Variants in EFEMP1 observed in about 807,000 individuals in gnomAD.
EFEMP1 encodes the protein EGF-containing fibulin-like extracellular matrix protein 1.
A neutral mutation model predicts 65.7 loss-of-function variants in EFEMP1; 18 were observed. That is an observed-to-expected ratio of 0.27 (90% confidence interval 0.19 to 0.41). The LOEUF is 0.41. Among genes scored for constraint, EFEMP1 ranks in the 10% least tolerant of loss-of-function variants. The probability of loss-of-function intolerance (pLI) is 1.00; values close to 1 mark genes in which losing one functional copy is unlikely to be tolerated. For missense variants in EFEMP1, 469 were observed against 624.8 expected (o/e 0.75, Z 2.66); for synonymous variants, 237 against 219.7 (o/e 1.08, Z -0.70).
At chr2:55,892,990 C>T (rs1416384870) in intron 5 of EFEMP1, among the ~76,000 whole-genome samples, 1 of 152,016 alleles carries the variant, frequency 6.6e-6, no homozygotes, top group East Asian at 1.9e-4. Flanking sequence ...TAAAATTAGC[C>T]TAGGATTATT....
chr2:55,904,693 C>G (rs1670176053), intron 5 of EFEMP1, among the ~76,000 whole-genome samples: 1 of 152,196 alleles, frequency 6.6e-6, no homozygotes, highest in Admixed American at 6.5e-5. Context: ...CTGGGACTTA[C>G]ACTAGCAGTT....
rs1310268740 is a variant in EFEMP1 at position 55,870,693 on chromosome 2, A to T, written c.1320+27T>A. 6.2e-7 allele frequency: 1 copy of T among 1,612,116 alleles called. No homozygotes were observed. Among genetic ancestry groups the T allele is most frequent in the Non-Finnish European group, 8.5e-7 (1 of 1,178,634 alleles). On this transcript the variant is annotated intron_variant, in intron 11 of 11. Transcript: ENST00000355426. This position sits in a 1 kb window ranked among gnomAD's most constrained non-coding sequence, Gnocchi z 5.8. The stretch of plus-strand genomic sequence containing the variant: ...ACAACAAACTCCCATCTTTCTCAAT[A>T]GTTAAGGCTGCCTTCAGGATACTTA...
intron 5 of EFEMP1, among the ~76,000 whole-genome samples, chr2:55,901,804 A>G (rs1670046549): frequency 6.6e-6 from 1 of 152,134 alleles, no homozygotes; most frequent in Non-Finnish European, 1.5e-5. Context: ...TGCCACTTCT[A>G]TGATTAGGTT....
At chr2:55,906,475 C>A (rs918606474) in intron 5 of EFEMP1, among the ~76,000 whole-genome samples, 1 of 152,148 alleles carries the variant, frequency 6.6e-6, no homozygotes, top group Non-Finnish European at 1.5e-5. Context: ...CTGCCTGCCT[C>A]GGCCTCCCAA....
chr2:55,903,708 A>T (rs1389550730), intron 5 of EFEMP1, among the ~76,000 whole-genome samples: 2 of 152,086 alleles, frequency 1.3e-5, no homozygotes, highest in African/African-American at 4.8e-5. Flanking sequence ...AGCAAAACCA[A>T]TTTATTAGGT....
At chr2:55,874,922 A>G (rs755659448) in intron 9 of EFEMP1, 24 bp downstream of exon 9, 13 of 1,581,858 alleles carry the variant, frequency 8.2e-6, no homozygotes, top group Non-Finnish European at 1.1e-5. Context: ...AATACCTAAC[A>G]TATGAAAAAA....
intron 5 of EFEMP1, among the ~76,000 whole-genome samples, chr2:55,903,700 C>G (rs1030151179): frequency 1.1e-4 from 16 of 152,132 alleles, no homozygotes; most frequent in South Asian, 2.1e-4. Flanking sequence ...ATAAAAACAG[C>G]AAAACCAATT....
intron 5 of EFEMP1, among the ~76,000 whole-genome samples, chr2:55,895,375 T>C (rs888092215): frequency 2.6e-5 from 4 of 152,188 alleles, no homozygotes; most frequent in Non-Finnish European, 4.4e-5. Flanking sequence ...GGCCACCTAC[T>C]GCCACGTGCA....
intron 11 of EFEMP1, among the ~76,000 whole-genome samples, chr2:55,868,879 G>A (rs779140916): frequency 7.9e-5 from 12 of 152,098 alleles, no homozygotes; most frequent in Non-Finnish European, 1.3e-4. Context: ...ATTTTCATGC[G>A]TTTCAATGCC....
intron 5 of EFEMP1, among the ~76,000 whole-genome samples, chr2:55,904,497 TGAGTA>T (rs879818645): frequency 0.019 from 2,855 of 152,328 alleles, 29 homozygotes; most frequent in Middle Eastern, 0.041. Flanking sequence ...TTGAATTGAC[TGAGTA>T]AAGCAGATGG....
intron 5 of EFEMP1, among the ~76,000 whole-genome samples, chr2:55,892,597 C>T (rs1218587960): frequency 1.3e-5 from 2 of 152,010 alleles, no homozygotes; most frequent in Non-Finnish European, 2.9e-5. Flanking sequence ...TGTTTAAATA[C>T]ACTACTGTGT....
intron 11 of EFEMP1, among the ~76,000 whole-genome samples, chr2:55,868,839 G>T (rs902369648): frequency 6.6e-6 from 1 of 152,028 alleles, no homozygotes; most frequent in African/African-American, 2.4e-5. Context: ...TTAATTAACC[G>T]AATTAATTAA....
chr2:55,901,399 C>A (rs957444202), intron 5 of EFEMP1, among the ~76,000 whole-genome samples: 1 of 152,206 alleles, frequency 6.6e-6, no homozygotes, highest in African/African-American at 2.4e-5. Flanking sequence ...GAGATGGAAT[C>A]ATTTATGAGT....
Position 55,891,769 on chromosome 2 carries a change from G to GACTC in EFEMP1, c.518-10039_518-10036dup, listed in dbSNP as rs576515715. Among the ~76,000 whole-genome samples, 1,108 of 152,172 alleles carry GACTC rather than the reference G, an allele frequency of 7.3e-3. 3 individuals carry two copies. Among genetic ancestry groups the GACTC allele is most frequent in the Non-Finnish European group, 0.012 (840 of 67,936 alleles). ...GTATTAAGGATTTTTCAGGAAGGAA[G>GACTC]ACTCAGTCTTCATCATGTTAAGGCA... On this transcript the variant is annotated intron_variant, in intron 5 of 11. Coordinates refer to ENST00000355426, the MANE Select transcript of EFEMP1 (RefSeq NM_001039348.3).
intron 11 of EFEMP1, among the ~76,000 whole-genome samples, chr2:55,869,902 TG>T (rs1668733473): frequency 6.6e-6 from 1 of 152,052 alleles, no homozygotes; most frequent in African/African-American, 2.4e-5. Context: ...GTAGGGAGAC[TG>T]GAAGGCTGAG....
intron 5 of EFEMP1, among the ~76,000 whole-genome samples, chr2:55,903,809 A>T (rs1377217208): frequency 2.0e-5 from 3 of 152,150 alleles, no homozygotes; most frequent in Non-Finnish European, 2.9e-5. Flanking sequence ...ATGTATACAT[A>T]CATATATGAG....
intron 5 of EFEMP1, among the ~76,000 whole-genome samples, chr2:55,912,149 CT>C (rs1270497871): frequency 4.6e-5 from 7 of 151,982 alleles, no homozygotes; most frequent in African/African-American, 1.2e-4. Flanking sequence ...GCTTAAAGTA[CT>C]TTTTTTTAAG....
intron 5 of EFEMP1, among the ~76,000 whole-genome samples, chr2:55,907,319 ATAGT>A (rs556067041): frequency 5.3e-5 from 8 of 152,242 alleles, no homozygotes; most frequent in African/African-American, 7.2e-5. Flanking sequence ...GTGGGCATAA[ATAGT>A]TAGAATAAAC....
At position 55,923,584 on chromosome 2, in the gene EFEMP1, C is replaced by A; in HGVS notation, c.-49+127G>T. 11 of 984,126 alleles carry A rather than the reference C, an allele frequency of 1.1e-5. No individual in the cohort carries two copies. Among genetic ancestry groups the A allele is most frequent in the Non-Finnish European group, 1.3e-5 (11 of 828,660 alleles). The allele number at this position is 984,126 out of a possible 1,614,324, so 61.0% of individuals were successfully genotyped here. On this transcript the variant is annotated intron_variant, in intron 1 of 11. Transcript: ENST00000355426. The surrounding 1 kb of genome is among the most constrained non-coding windows in gnomAD (Gnocchi z 5.3). ...CCTCCACCTCCCTCTCTGCCCGAGA[C>A]ACCCTGCACAGTCCAGGGCAGTTCT...
Sources: allele counts gnomAD v4.1 joint callset (sites outside exome capture counted in the v4.1 genomes callset), GRCh38; gene constraint gnomAD v4.1.1; non-coding constraint Gnocchi (gnomAD v3.1); transcripts MANE v1.5; gene names NCBI Gene and HGNC (gene_info 2026-07-23, HGNC 2026-07-21).